Variants in TMEM132E observed in about 807,000 individuals in gnomAD.
TMEM132E encodes the protein transmembrane protein 132E.
A neutral mutation model predicts 78.5 loss-of-function variants in TMEM132E; 49 were observed. The ratio of observed to expected loss-of-function variants is 0.62; its 90% CI spans 0.50 to 0.79. The LOEUF is 0.79. TMEM132E is among the 30% of genes least tolerant of loss of function. The probability of loss-of-function intolerance (pLI) is 0.00; values close to 1 mark genes in which losing one functional copy is unlikely to be tolerated. For missense variants in TMEM132E, 1,403 were observed against 1,470.9 expected (o/e 0.95, Z 0.75); for synonymous variants, 715 against 670.6 (o/e 1.07, Z -1.02).
intron 1 of TMEM132E, among the ~76,000 whole-genome samples, chr17:34,590,746 T>C (rs1281268397): frequency 6.6e-6 from 1 of 152,186 alleles, no homozygotes; most frequent in Non-Finnish European, 1.5e-5. Context: ...GGGTGATCTT[T>C]AAAGACTTTG....
At chr17:34,637,028 G>A (rs901820779) in intron 8 of TMEM132E, 149 bp from the exon 9 acceptor site, 11 of 702,088 alleles carry the variant, frequency 1.6e-5, no homozygotes, top group Admixed American at 5.5e-5. Flanking sequence ...CTGAATGCCC[G>A]CCACAGGTCA....
intron 1 of TMEM132E, among the ~76,000 whole-genome samples, chr17:34,612,715 G>A (rs1198722803): frequency 1.3e-5 from 2 of 151,950 alleles, no homozygotes; most frequent in Non-Finnish European, 2.9e-5. Flanking sequence ...ATAGCTCAGG[G>A]GATCTCTACA....
chr17:34,582,611 T>G (rs1597672890), intron 1 of TMEM132E, among the ~76,000 whole-genome samples: 3 of 148,546 alleles, frequency 2.0e-5, no homozygotes, highest in Admixed American at 6.7e-5. Flanking sequence ...GGGGCGAGGG[T>G]GAGGTGGGGC....
intron 1 of TMEM132E, among the ~76,000 whole-genome samples, chr17:34,617,056 G>T (rs186612879): frequency 1.3e-4 from 20 of 152,340 alleles, no homozygotes; most frequent in African/African-American, 4.8e-4. Flanking sequence ...AGGGAAGGCA[G>T]TGTTCAGGGC....
At position 34,580,822 on chromosome 17, in the gene TMEM132E, G is replaced by A. The variant is rs981035298; in HGVS notation, c.-255G>A. 14 of 439,816 alleles carry A rather than the reference G, an allele frequency of 3.2e-5. No homozygotes were observed. The highest frequency in any genetic ancestry group is 2.3e-4 in the Admixed American group (5 of 22,182). The allele number at this position is 439,816 out of a possible 1,614,324, so 27.2% of individuals were successfully genotyped here. A position where few individuals can be genotyped will look rare whatever the true frequency, so the allele number is the denominator to read the frequency against. On this transcript the variant is annotated 5_prime_UTR_variant, in exon 1 of 9. Coordinates refer to ENST00000631683, the MANE Select transcript of TMEM132E (RefSeq NM_001304438.2). ...CCCCCGCGCCTCGCAGATCCTGCAG[G>A]GGGCACCAGCTGGGGGAGGTGGAGG...
chr17:34,631,138 C>G (rs1376058555), intron 5 of TMEM132E, among the ~76,000 whole-genome samples: 1 of 152,188 alleles, frequency 6.6e-6, no homozygotes, highest in Non-Finnish European at 1.5e-5. Flanking sequence ...ATGCAGATGT[C>G]CTTCTCCTCC....
intron 1 of TMEM132E, among the ~76,000 whole-genome samples, chr17:34,600,388 T>G (rs1471513701): frequency 6.6e-6 from 1 of 151,974 alleles, no homozygotes; most frequent in Non-Finnish European, 1.5e-5. Context: ...TAAAGAACTT[T>G]TGATAAGCAG....
At chr17:34,628,524 C>A in intron 2 of TMEM132E, 39 bp from the exon 3 acceptor site, 1 of 1,611,326 alleles carries the variant, frequency 6.2e-7, no homozygotes, top group Non-Finnish European at 8.5e-7. Flanking sequence ...TGGGCTGTAG[C>A]CTGACCCTCT....
At chr17:34,633,120 C>G (rs957639924) in intron 6 of TMEM132E, among the ~76,000 whole-genome samples, 26 of 152,232 alleles carry the variant, frequency 1.7e-4, no homozygotes, top group African/African-American at 6.3e-4. Context: ...GTGCCTGACC[C>G]TGCCAGTCTC....
chr17:34,583,802 C>T (rs1257074276), intron 1 of TMEM132E, among the ~76,000 whole-genome samples: 1 of 152,204 alleles, frequency 6.6e-6, no homozygotes. Flanking sequence ...TTTCTTTCCC[C>T]TTTCCAGTTT....
Position 34,637,254 on chromosome 17 carries a change from T to C in TMEM132E, c.2247T>C (p.Tyr749=), listed in dbSNP as rs1597694471. 6.2e-7 allele frequency: 1 copy of C among 1,614,068 alleles called. No individual in the cohort carries two copies. The highest frequency in any genetic ancestry group is 8.5e-7 in the Non-Finnish European group (1 of 1,180,030). Residue 749 remains tyrosine (Y), a synonymous_variant, in exon 9 of 9, where the codon TAT becomes TAC. Coordinates refer to ENST00000631683, the MANE Select transcript of TMEM132E (RefSeq NM_001304438.2). ...APLSLYSPRD[Y]GLLVSSLDEH... is the part of the protein sequence containing the mutation. Reference sequence around the variant, plus strand: ...TCTCCCTCTACAGCCCACGAGACTATGGACTGCTAGTGAGCAGCCTGGATG... The same window carrying C: ...TCTCCCTCTACAGCCCACGAGACTACGGACTGCTAGTGAGCAGCCTGGATG...
chr17:34,625,217 G>A (rs1198610898), intron 1 of TMEM132E, among the ~76,000 whole-genome samples: 2 of 152,212 alleles, frequency 1.3e-5, no homozygotes, highest in Non-Finnish European at 2.9e-5. Flanking sequence ...ACAAGGGGCA[G>A]CCTGAGGTGG....
At position 34,580,765 on chromosome 17, in the gene TMEM132E, G is replaced by T. The variant is rs1905439135; in HGVS notation, c.-312G>T. On this transcript the variant is annotated 5_prime_UTR_variant, in exon 1 of 9. Transcript: ENST00000631683. ...TCTAGGTAGCCCCCGGGACGCCCGC[G>T]GCCACCGGGCTCCGGACTGCACGTG... 1 of 316,100 alleles carries T rather than the reference G, an allele frequency of 3.2e-6. No individual in the cohort carries two copies. Among genetic ancestry groups the T allele is most frequent in the African/African-American group, 2.2e-5 (1 of 46,186 alleles). 19.6% of individuals were successfully genotyped at this position (316,100 alleles called of 1,614,324 possible).
chr17:34,589,122 G>A (rs1246534552), intron 1 of TMEM132E, among the ~76,000 whole-genome samples: 2 of 152,232 alleles, frequency 1.3e-5, no homozygotes, highest in East Asian at 3.8e-4. Flanking sequence ...GGGATGCGTA[G>A]CATTAATACC....
chr17:34,628,926 G>T, intron 3 of TMEM132E, 86 bp from the exon 4 acceptor site: 1 of 1,471,808 alleles, frequency 6.8e-7, no homozygotes, highest in Non-Finnish European at 9.1e-7. Context: ...CCGGGGAGGG[G>T]TGGGGTCCCC....
intron 1 of TMEM132E, 101 bp from the exon 2 acceptor site, chr17:34,626,026 C>A: frequency 8.9e-7 from 1 of 1,129,508 alleles, no homozygotes; most frequent in Non-Finnish European, 1.2e-6. Flanking sequence ...GAGGAGTTGG[C>A]AGCCCTCTGT....
At chr17:34,620,670 C>T (rs1485888995) in intron 1 of TMEM132E, among the ~76,000 whole-genome samples, 1 of 152,258 alleles carries the variant, frequency 6.6e-6, no homozygotes, top group African/African-American at 2.4e-5. Flanking sequence ...ATGCGTTTCA[C>T]TCATACCAGG....
chr17:34,593,693 G>A (rs1905958649), intron 1 of TMEM132E, among the ~76,000 whole-genome samples: 1 of 152,246 alleles, frequency 6.6e-6, no homozygotes. Context: ...TAGGGCCGGG[G>A]TAGGCAGCTT....
At chr17:34,634,500 TGAA>T (rs1404609477) in intron 6 of TMEM132E, among the ~76,000 whole-genome samples, 1 of 152,212 alleles carries the variant, frequency 6.6e-6, no homozygotes, top group Admixed American at 6.5e-5. Context: ...AACTTAGTAC[TGAA>T]GAAGAGGCAG....
Sources: gnomAD v4.1 joint callset for allele counts (sites outside exome capture counted in the v4.1 genomes callset) on GRCh38, gnomAD v4.1.1 for gene constraint, MANE v1.5 for transcripts, NCBI Gene and HGNC (gene_info 2026-07-23, HGNC 2026-07-21) for gene names.